The following RBMS3 variants were observed in gnomAD, a reference collection of about 807,000 sequenced individuals.
RBMS3 encodes RNA-binding motif, single-stranded-interacting protein 3.
Under a neutral mutation model 66.8 loss-of-function variants are expected in RBMS3, and 27 were observed. That is an observed-to-expected ratio of 0.40 (90% CI 0.30 to 0.56). The LOEUF (loss-of-function observed/expected upper bound fraction) is 0.56. Among genes scored for constraint, RBMS3 ranks in the 20% least tolerant of loss-of-function variants. The probability of loss-of-function intolerance (pLI) is 0.40; values close to 1 mark genes in which losing one functional copy is unlikely to be tolerated. For synonymous variants in RBMS3, 188 were observed against 183.0 expected (o/e 1.03, Z -0.22); for missense variants, 513 against 549.5 (o/e 0.93, Z 0.66).
intron 4 of RBMS3, among the ~76,000 whole-genome samples, chr3:29,688,206 T>A (rs1275419748): frequency 6.6e-6 from 1 of 152,130 alleles, no homozygotes; most frequent in Non-Finnish European, 1.5e-5. Context: ...CAGTACCACA[T>A]CCTGAAACAA....
At chr3:29,514,662 T>TATATATATATATATAC (rs2044545164) in intron 3 of RBMS3, among the ~76,000 whole-genome samples, 1 of 143,096 alleles carries the variant, frequency 7.0e-6, no homozygotes, top group African/African-American at 2.6e-5. Context: ...TATATATATA[T>TATATATATATATATAC]ATATATATAT....
intron 2 of RBMS3, among the ~76,000 whole-genome samples, chr3:29,467,244 G>A (rs2042574887): frequency 6.6e-6 from 1 of 152,088 alleles, no homozygotes; most frequent in Admixed American, 6.5e-5. Context: ...ATGCAAAAGG[G>A]AAAGAAAACA....
intron 12 of RBMS3, among the ~76,000 whole-genome samples, chr3:29,957,674 C>A (rs1025588039): frequency 2.1e-4 from 32 of 152,074 alleles, no homozygotes; most frequent in Non-Finnish European, 1.6e-4. Flanking sequence ...TGTTGCTTAT[C>A]TGAAAGGTTT....
chr3:29,283,818 G>A (rs576188552), intron 1 of RBMS3, among the ~76,000 whole-genome samples: 3 of 152,214 alleles, frequency 2.0e-5, no homozygotes, highest in South Asian at 4.1e-4. Flanking sequence ...TATTGTTATG[G>A]TGGCTCTGAA....
Position 29,585,272 on chromosome 3 carries a change from A to G in RBMS3, c.308-1842A>G, listed in dbSNP as rs74757471. On this transcript the variant is annotated intron_variant, in intron 3 of 14. Transcript: ENST00000383767. ...CAACTGCTCCATTGACAAATGTACG[A>G]TTAAATGAGCTCAATTAAATTATCT... Among the ~76,000 whole-genome samples the G allele has an allele frequency of 8.2e-3, 1,253 of 152,296 alleles. 21 individuals are homozygous for G. The highest frequency in any genetic ancestry group is 0.029 in the African/African-American group (1,198 of 41,564).
chr3:29,583,549 G>C (rs1392086934), intron 3 of RBMS3, among the ~76,000 whole-genome samples: 2 of 151,196 alleles, frequency 1.3e-5, no homozygotes, highest in Non-Finnish European at 3.0e-5. Flanking sequence ...CCAGTACCTG[G>C]GGTAATACAA....
chr3:29,824,249 A>G (rs1184714979), intron 6 of RBMS3, among the ~76,000 whole-genome samples: 1 of 151,966 alleles, frequency 6.6e-6, no homozygotes, highest in Non-Finnish European at 1.5e-5. Context: ...TGTCCTTATG[A>G]AAGAGTTCTG....
At chr3:29,422,592 CTTA>C (rs1000114079) in intron 1 of RBMS3, among the ~76,000 whole-genome samples, 6 of 151,808 alleles carry the variant, frequency 4.0e-5, no homozygotes, top group Non-Finnish European at 7.4e-5. Context: ...TTATAAGTTT[CTTA>C]TTATAAAAAT....
At chr3:29,837,620 T>G (rs2058546345) in intron 6 of RBMS3, among the ~76,000 whole-genome samples, 1 of 137,958 alleles carries the variant, frequency 7.2e-6, no homozygotes, top group African/African-American at 2.7e-5. Flanking sequence ...GACATAAAGA[T>G]CAAATTAGCA....
At chr3:29,917,912 C>T (rs375215363) in intron 10 of RBMS3, among the ~76,000 whole-genome samples, 13 of 152,082 alleles carry the variant, frequency 8.5e-5, no homozygotes, top group Non-Finnish European at 1.3e-4. Context: ...ATAATGTCCT[C>T]CTTATTCAGA....
chr3:29,984,994 C>T (rs1698274920), intron 12 of RBMS3, among the ~76,000 whole-genome samples: 1 of 152,184 alleles, frequency 6.6e-6, no homozygotes, highest in Non-Finnish European at 1.5e-5. Flanking sequence ...GAAGCTGCGC[C>T]CACAGCCACT....
At chr3:29,425,221 A>C (rs7619682) in intron 1 of RBMS3, among the ~76,000 whole-genome samples, 7,137 of 150,076 alleles carry the variant, frequency 0.048, 231 homozygotes, top group African/African-American at 0.11. Context: ...AAAAACAAAA[A>C]AAAAAAAACA....
At chr3:29,299,695 ATAATT>A (rs895454693) in intron 1 of RBMS3, among the ~76,000 whole-genome samples, 4 of 151,984 alleles carry the variant, frequency 2.6e-5, no homozygotes, top group Admixed American at 6.6e-5. Context: ...TAACCTAGAG[ATAATT>A]TAAATTATAT....
intron 2 of RBMS3, among the ~76,000 whole-genome samples, chr3:29,438,026 G>GTTTCTCTCTC (rs1553603129): frequency 3.5e-5 from 4 of 113,106 alleles, no homozygotes; most frequent in Admixed American, 2.0e-4. Flanking sequence ...AACCTTGCTT[G>GTTTCTCTCTC]TTTCTCTCTC....
chr3:29,791,559 A>T (rs1576815681), intron 6 of RBMS3, among the ~76,000 whole-genome samples: 1 of 152,174 alleles, frequency 6.6e-6, no homozygotes, highest in African/African-American at 2.4e-5. Flanking sequence ...TTGAACTCGG[A>T]CCAGTCTATA....
At chr3:29,429,853 A>C (rs1445412866) in intron 1 of RBMS3, among the ~76,000 whole-genome samples, 1 of 152,236 alleles carries the variant, frequency 6.6e-6, no homozygotes, top group Non-Finnish European at 1.5e-5. Flanking sequence ...AAGACAAAGA[A>C]TTGAGAAAGG....
chr3:29,771,875 C>A (rs565533001), intron 6 of RBMS3, among the ~76,000 whole-genome samples: 2 of 151,930 alleles, frequency 1.3e-5, no homozygotes, highest in Non-Finnish European at 2.9e-5. Flanking sequence ...CTCATTATCA[C>A]GAGAATAGCA....
chr3:29,476,937 C>G lies in RBMS3; in HGVS notation c.249-11504C>G, dbSNP rs558892859. Among the ~76,000 whole-genome samples the G allele has an allele frequency of 4.6e-5, 7 of 152,186 alleles. No individual in the cohort carries two copies. In the South Asian group the frequency reaches 1.5e-3, roughly 32 times the overall value. Reference sequence around the variant, plus strand: ...CTACAGACATCTCAAAACTGTCATTCTTTTACAGACAAACCTCCCTGAGAA... The same window carrying G: ...CTACAGACATCTCAAAACTGTCATTGTTTTACAGACAAACCTCCCTGAGAA... On this transcript the variant is annotated intron_variant, in intron 2 of 14. Transcript: ENST00000383767.
At chr3:29,747,366 C>T (rs2054950854) in intron 5 of RBMS3, among the ~76,000 whole-genome samples, 1 of 149,838 alleles carries the variant, frequency 6.7e-6, no homozygotes, top group African/African-American at 2.5e-5. Context: ...ATCTATCTAT[C>T]TATCTATCTA....
Sources: gnomAD v4.1 joint callset for allele counts (sites outside exome capture counted in the v4.1 genomes callset) on GRCh38, gnomAD v4.1.1 for gene constraint, MANE v1.5 for transcripts, NCBI Gene and HGNC (gene_info 2026-07-23, HGNC 2026-07-21) for gene names.